PDE4B: variants seen among roughly 807,000 people sequenced by gnomAD.
The protein encoded by PDE4B is 3',5'-cyclic-AMP phosphodiesterase 4B.
Under a neutral mutation model 82.2 loss-of-function variants are expected in PDE4B, and 20 were observed. The ratio of observed to expected loss-of-function variants is 0.24; its 90% CI spans 0.17 to 0.35. The LOEUF is 0.35. PDE4B is among the 10% of genes least tolerant of loss of function. The pLI, the probability that PDE4B is intolerant of heterozygous loss-of-function variation, is 1.00. For missense variants in PDE4B, 655 were observed against 907.2 expected, an observed-to-expected ratio of 0.72 and a Z score of 3.57; for synonymous variants, 320 against 318.9, an observed-to-expected ratio of 1.00 and a Z score of -0.04.
chr1:65,877,861 C>T (rs541024787), intron 1 of PDE4B, among the ~76,000 whole-genome samples: 85 of 151,904 alleles, frequency 5.6e-4, no homozygotes, highest in African/African-American at 1.8e-3. Context: ...AAAGCAATTG[C>T]GACAAAAGCC....
intron 1 of PDE4B, among the ~76,000 whole-genome samples, chr1:65,830,157 A>G (rs959935167): frequency 1.3e-5 from 2 of 152,194 alleles, no homozygotes; most frequent in African/African-American, 4.8e-5. Context: ...AATTGGAACA[A>G]TTTGAGCAAG....
intron 8 of PDE4B, among the ~76,000 whole-genome samples, chr1:66,341,283 G>A (rs1431671868): frequency 6.6e-6 from 1 of 152,346 alleles, no homozygotes; most frequent in East Asian, 1.9e-4. Flanking sequence ...AGGTATTAAA[G>A]TATAGGTCTG....
chr1:65,861,091 CT>C (rs1646449318), intron 1 of PDE4B, among the ~76,000 whole-genome samples: 1 of 152,108 alleles, frequency 6.6e-6, no homozygotes, highest in African/African-American at 2.4e-5. Flanking sequence ...GTTGCAATTG[CT>C]TTTGGTGTTT....
At chr1:65,887,222 C>CTT (rs1163907643) in intron 1 of PDE4B, among the ~76,000 whole-genome samples, 3 of 17,894 alleles carry the variant, frequency 1.7e-4, no homozygotes, top group Non-Finnish European at 2.8e-4. Context: ...TTCTTTCTTT[C>CTT]TTTCTTTCTT....
At chr1:66,130,284 C>T (rs974829266) in intron 3 of PDE4B, among the ~76,000 whole-genome samples, 9 of 152,190 alleles carry the variant, frequency 5.9e-5, no homozygotes, top group African/African-American at 1.7e-4. Flanking sequence ...CAGTAGCGTA[C>T]AGGAAACAGT....
intron 3 of PDE4B, among the ~76,000 whole-genome samples, chr1:66,044,899 C>T (rs1654603629): frequency 6.6e-6 from 1 of 151,664 alleles, no homozygotes; most frequent in Non-Finnish European, 1.5e-5. Flanking sequence ...GCCATTGATA[C>T]AATTTTTACA....
chr1:65,890,875 A>T lies in PDE4B; in HGVS notation c.-70-22370A>T, dbSNP rs201269885. Among the ~76,000 whole-genome samples the T allele has an allele frequency of 2.6e-5, 4 of 152,144 alleles. No individual in the cohort carries two copies. The East Asian group carries it at 7.7e-4, about 29-fold the overall frequency. On this transcript the variant is annotated intron_variant, in intron 1 of 16. Coordinates refer to ENST00000341517, the MANE Select transcript of PDE4B (RefSeq NM_002600.4). Reference sequence around the variant, plus strand: ...CAACTGCAGAATGAACAACAAAGGGACTGAGATGAAACAGCTGCTGTGGTA... The same window carrying T: ...CAACTGCAGAATGAACAACAAAGGGTCTGAGATGAAACAGCTGCTGTGGTA...
chr1:66,168,163 A>G (rs2101316909), intron 3 of PDE4B, among the ~76,000 whole-genome samples: 1 of 152,324 alleles, frequency 6.6e-6, no homozygotes, highest in Non-Finnish European at 1.5e-5. Context: ...TTCATTTATA[A>G]ATTAATTCAT....
At chr1:65,823,396 T>TA (rs35854326) in intron 1 of PDE4B, among the ~76,000 whole-genome samples, 1,692 of 70,354 alleles carry the variant, frequency 0.024, 36 homozygotes, top group Middle Eastern at 0.091. Flanking sequence ...ACTCCATCTC[T>TA]AAAAAAAAAA....
intron 4 of PDE4B, among the ~76,000 whole-genome samples, chr1:66,253,907 CA>C (rs1180190615): frequency 2.0e-5 from 3 of 152,274 alleles, no homozygotes; most frequent in African/African-American, 7.2e-5. Flanking sequence ...TCCTAAACTT[CA>C]AAAGTTCCAT....
chr1:66,359,767 A>G (rs1662603334), intron 9 of PDE4B, among the ~76,000 whole-genome samples: 1 of 152,198 alleles, frequency 6.6e-6, no homozygotes, highest in African/African-American at 2.4e-5. Flanking sequence ...AGCAAAAAGT[A>G]GTAGTTATTA....
intron 1 of PDE4B, among the ~76,000 whole-genome samples, chr1:65,831,781 T>A (rs968994079): frequency 9.2e-5 from 14 of 152,094 alleles, no homozygotes; most frequent in African/African-American, 2.7e-4. Flanking sequence ...TATTAGCAAA[T>A]CAAATTCAGC....
intron 8 of PDE4B, among the ~76,000 whole-genome samples, chr1:66,339,479 A>G (rs528423984): frequency 7.9e-5 from 12 of 152,322 alleles, no homozygotes; most frequent in East Asian, 3.9e-4. Context: ...TCTTTACTCA[A>G]TGGTAATCCA....
chr1:66,033,269 G>A (rs1653889293), intron 3 of PDE4B, among the ~76,000 whole-genome samples: 1 of 152,158 alleles, frequency 6.6e-6, no homozygotes, highest in African/African-American at 2.4e-5. Context: ...AAAAGCATCA[G>A]GTGAGAAGTC....
At chr1:66,242,076 A>G (rs1652935950) in intron 3 of PDE4B, among the ~76,000 whole-genome samples, 1 of 152,226 alleles carries the variant, frequency 6.6e-6, no homozygotes, top group African/African-American at 2.4e-5. Context: ...TGAGAGAGAT[A>G]AGTAAACACA....
At chr1:65,850,722 C>G (rs1646322354) in intron 1 of PDE4B, among the ~76,000 whole-genome samples, 1 of 151,902 alleles carries the variant, frequency 6.6e-6, no homozygotes, top group African/African-American at 2.4e-5. Context: ...GGGTGTACCC[C>G]CAAATATATG....
At chr1:66,180,240 G>A (rs1468634383) in intron 3 of PDE4B, among the ~76,000 whole-genome samples, 1 of 152,170 alleles carries the variant, frequency 6.6e-6, no homozygotes, top group Admixed American at 6.5e-5. Flanking sequence ...ATGGAGGAAA[G>A]GGGCAGAAAA....
chr1:66,172,783 GTATTA>G (rs1191417637), intron 3 of PDE4B, among the ~76,000 whole-genome samples: 10 of 10,604 alleles, frequency 9.4e-4, no homozygotes, highest in African/African-American at 9.2e-3. Flanking sequence ...TTCACATTAT[GTATTA>G]TGTATAAGTT....
intron 7 of PDE4B, among the ~76,000 whole-genome samples, chr1:66,330,370 CCTT>C (rs977699107): frequency 1.1e-5 from 1 of 91,926 alleles, no homozygotes; most frequent in African/African-American, 4.2e-5. Flanking sequence ...TTTGAAGAGT[CCTT>C]CTCTTTTTTG....
Sources: allele counts gnomAD v4.1 joint callset (sites outside exome capture counted in the v4.1 genomes callset), GRCh38; gene constraint gnomAD v4.1.1; transcripts MANE v1.5; gene names NCBI Gene and HGNC (gene_info 2026-07-23, HGNC 2026-07-21).